Variants in CABCOCO1 observed in about 807,000 individuals in gnomAD.
CABCOCO1 encodes the protein ciliary associated calcium binding coiled-coil 1, also known as ciliary-associated calcium-binding coiled-coil protein 1.
A neutral mutation model predicts 35.7 loss-of-function variants in CABCOCO1; 28 were observed. The ratio of observed to expected loss-of-function variants is 0.78; its 90% CI spans 0.58 to 1.07. The LOEUF is 1.07. Among genes scored for constraint, CABCOCO1 ranks in the 50% least tolerant of loss-of-function variants. CABCOCO1 has a pLI of 0.00. For synonymous variants in CABCOCO1, 95 were observed against 100.1 expected, an observed-to-expected ratio of 0.95 and a Z score of 0.30; for missense variants, 326 against 309.2, an observed-to-expected ratio of 1.05 and a Z score of -0.41.
intron 4 of CABCOCO1, among the ~76,000 whole-genome samples, chr10:61,687,562 C>T (rs1289263664): frequency 6.6e-6 from 1 of 152,128 alleles, no homozygotes; most frequent in Non-Finnish European, 1.5e-5. Context: ...ATGCAGGTGC[C>T]ATAATGACCC....
At position 61,698,611 on chromosome 10, in the gene CABCOCO1, T is replaced by C. The variant is rs570200759; in HGVS notation, c.552+7990T>C. On this transcript the variant is annotated intron_variant, in intron 5 of 7. Coordinates refer to ENST00000648843, the MANE Select transcript of CABCOCO1 (RefSeq NM_001366906.2). Reference sequence around the variant, plus strand: ...CTCTAAAGTCAGTGAATGTCAACTGTATATAATTTCATGTTCTGAGCACTT... The same window carrying C: ...CTCTAAAGTCAGTGAATGTCAACTGCATATAATTTCATGTTCTGAGCACTT... Among the ~76,000 whole-genome samples the C allele has an allele frequency of 2.0e-5, 3 of 152,252 alleles. No individual in the cohort carries two copies. In the South Asian group the frequency reaches 6.2e-4, roughly 32 times the overall value.
At chr10:61,687,041 T>C (rs1296300937) in intron 4 of CABCOCO1, among the ~76,000 whole-genome samples, 2 of 152,230 alleles carry the variant, frequency 1.3e-5, no homozygotes, top group Non-Finnish European at 2.9e-5. Context: ...CTGACTGATA[T>C]CTTAGACATG....
chr10:61,722,978 A>C (rs917815711), intron 5 of CABCOCO1, among the ~76,000 whole-genome samples: 5 of 152,240 alleles, frequency 3.3e-5, no homozygotes, highest in Non-Finnish European at 7.3e-5. Flanking sequence ...GATAAAGTAG[A>C]AAAGCTGTTC....
intron 5 of CABCOCO1, among the ~76,000 whole-genome samples, chr10:61,748,470 T>C (rs559318016): frequency 6.6e-6 from 1 of 152,312 alleles, no homozygotes; most frequent in East Asian, 1.9e-4. Context: ...TGCCAGGCAC[T>C]GTGTGAGTAC....
At chr10:61,695,307 A>C (rs181747481) in intron 5 of CABCOCO1, among the ~76,000 whole-genome samples, 45 of 151,988 alleles carry the variant, frequency 3.0e-4, no homozygotes, top group African/African-American at 1.0e-3. Flanking sequence ...AAAAAAAAAA[A>C]TCTAAAATAA....
At chr10:61,691,541 C>T (rs1056377346) in intron 5 of CABCOCO1, among the ~76,000 whole-genome samples, 44 of 152,060 alleles carry the variant, frequency 2.9e-4, no homozygotes, top group Admixed American at 2.0e-3. Context: ...ATGTGCAGAA[C>T]GTGCAGGTTT....
At chr10:61,744,004 C>T (rs376310115) in intron 5 of CABCOCO1, among the ~76,000 whole-genome samples, 3 of 152,146 alleles carry the variant, frequency 2.0e-5, no homozygotes, top group African/African-American at 7.2e-5. Context: ...CTGAGACCTC[C>T]TCAAAAGTCA....
intron 1 of CABCOCO1, among the ~76,000 whole-genome samples, chr10:61,666,672 G>A (rs1236373324): frequency 2.6e-5 from 4 of 151,878 alleles, no homozygotes; most frequent in African/African-American, 9.7e-5. Flanking sequence ...TTTTACTATA[G>A]TTTGGTCTTT....
intron 3 of CABCOCO1, among the ~76,000 whole-genome samples, chr10:61,681,779 A>G (rs1050838205): frequency 4.6e-5 from 7 of 152,182 alleles, no homozygotes; most frequent in African/African-American, 1.7e-4. Context: ...GCAGAACTAC[A>G]TGCTTTTATT....
chr10:61,724,767 G>A (rs1738680196), intron 5 of CABCOCO1, among the ~76,000 whole-genome samples: 1 of 152,012 alleles, frequency 6.6e-6, no homozygotes, highest in African/African-American at 2.4e-5. Context: ...CATGTTAAAG[G>A]GTTAATATCT....
intron 5 of CABCOCO1, among the ~76,000 whole-genome samples, chr10:61,729,769 T>C (rs1488852459): frequency 6.6e-6 from 1 of 152,178 alleles, no homozygotes; most frequent in Non-Finnish European, 1.5e-5. Context: ...TACAATGGAA[T>C]ATTACTCAGC....
At chr10:61,754,850 G>A (rs1018974208) in intron 5 of CABCOCO1, among the ~76,000 whole-genome samples, 1 of 152,060 alleles carries the variant, frequency 6.6e-6, no homozygotes, top group African/African-American at 2.4e-5. Context: ...AGTTATAAAT[G>A]TTCAAACTAC....
chr10:61,751,211 C>A (rs920452176), intron 5 of CABCOCO1, among the ~76,000 whole-genome samples: 2 of 131,474 alleles, frequency 1.5e-5, no homozygotes, highest in Non-Finnish European at 1.6e-5. Flanking sequence ...CTTTGCCTTG[C>A]TCTTTTTTTT....
rs778777559 is a variant in CABCOCO1 at position 61,760,025 on chromosome 10, C to T, written c.553-34C>T. On this transcript the variant is annotated intron_variant, in intron 5 of 7. Transcript: ENST00000648843. ...CGAAACTGTGGTTGCTCACCAAAGG[C>T]TCTGTCATAATTCAACTTTTTTCTT... The T allele has an allele frequency of 6.2e-6, 10 of 1,610,848 alleles. No individual in the cohort carries two copies. In the African/African-American group the frequency reaches 1.2e-4, roughly 19 times the overall value.
intron 5 of CABCOCO1, among the ~76,000 whole-genome samples, chr10:61,748,940 A>C (rs1165732523): frequency 6.6e-6 from 1 of 152,074 alleles, no homozygotes; most frequent in Non-Finnish European, 1.5e-5. Context: ...GGACAATGAG[A>C]CTCATCCACA....
Position 61,669,228 on chromosome 10 carries a change from T to C in CABCOCO1, c.61-3404T>C, listed in dbSNP as rs750862010. 5.1e-3 allele frequency among the ~76,000 whole-genome samples: 781 copies of C among 151,932 alleles called. 2 individuals are homozygous for C. Among genetic ancestry groups the C allele is most frequent in the Non-Finnish European group, 8.9e-3 (601 of 67,846 alleles). On this transcript the variant is annotated intron_variant, in intron 1 of 7. Transcript: ENST00000648843. ...TTACATTCTAGAAAGAAAAAATATA[T>C]ACAAATGTGAAAAGTTTAGTTGACA...
intron 1 of CABCOCO1, among the ~76,000 whole-genome samples, chr10:61,667,120 A>C (rs953471214): frequency 7.0e-6 from 1 of 143,400 alleles, no homozygotes; most frequent in African/African-American, 2.5e-5. Context: ...ATAATTATAT[A>C]TTATATATAC....
At chr10:61,744,241 T>C (rs1359813874) in intron 5 of CABCOCO1, among the ~76,000 whole-genome samples, 3 of 152,188 alleles carry the variant, frequency 2.0e-5, no homozygotes, top group Non-Finnish European at 2.9e-5. Flanking sequence ...TGTTAAAATC[T>C]AAAACAAGTG....
intron 5 of CABCOCO1, among the ~76,000 whole-genome samples, chr10:61,736,638 C>G (rs1276533191): frequency 2.0e-5 from 3 of 152,014 alleles, no homozygotes; most frequent in Non-Finnish European, 4.4e-5. Context: ...TTTCATGGGT[C>G]CATGTAAATT....
Sources: allele counts gnomAD v4.1 joint callset (sites outside exome capture counted in the v4.1 genomes callset), GRCh38; gene constraint gnomAD v4.1.1; transcripts MANE v1.5; gene names NCBI Gene and HGNC (gene_info 2026-07-23, HGNC 2026-07-21).